Variants in KBTBD12 observed in about 807,000 individuals in gnomAD.
KBTBD12 encodes the protein kelch repeat and BTB domain containing 12.
Under a neutral mutation model 58.7 loss-of-function variants are expected in KBTBD12, and 53 were observed. That is an observed-to-expected ratio of 0.90 (90% CI 0.72 to 1.14). KBTBD12 has a LOEUF of 1.14. Among genes scored for constraint, KBTBD12 ranks in the 50% most tolerant of loss-of-function variants. The pLI is 0.00. For missense variants in KBTBD12, 704 were observed against 751.3 expected, an observed-to-expected ratio of 0.94 and a Z score of 0.74; for synonymous variants, 236 against 259.8, an observed-to-expected ratio of 0.91 and a Z score of 0.88.
At chr3:127,951,608 G>T (rs569586408) in intron 4 of KBTBD12, among the ~76,000 whole-genome samples, 1 of 152,090 alleles carries the variant, frequency 6.6e-6, no homozygotes, top group Non-Finnish European at 1.5e-5. Flanking sequence ...GTCATGGCTC[G>T]GGAACAATTA....
At chr3:127,921,020 T>A (rs1302746599) in intron 1 of KBTBD12, among the ~76,000 whole-genome samples, 6 of 152,124 alleles carry the variant, frequency 3.9e-5, no homozygotes, top group Non-Finnish European at 7.4e-5. Context: ...AGGAGCTGTG[T>A]CTATACCCAC....
At chr3:127,977,006 T>A (rs1331109693) in intron 5 of KBTBD12, among the ~76,000 whole-genome samples, 1 of 152,152 alleles carries the variant, frequency 6.6e-6, no homozygotes, top group Non-Finnish European at 1.5e-5. Context: ...CCTCCACCCT[T>A]AAGTAGGCCC....
intron 4 of KBTBD12, among the ~76,000 whole-genome samples, chr3:127,952,371 G>A (rs1940225733): frequency 6.6e-6 from 1 of 152,080 alleles, no homozygotes; most frequent in African/African-American, 2.4e-5. Flanking sequence ...ATGTACTACT[G>A]TATTTGCTCC....
At position 127,986,058 on chromosome 3, in the gene KBTBD12, A is replaced by G. The variant is rs1940959354; in HGVS notation, c.*1780A>G. On this transcript the variant is annotated 3_prime_UTR_variant, in exon 6 of 6. Transcript: ENST00000405109. ...TCCCTCCATTCCTCTTCACATAGTC[A>G]CTCCACCTGCTCCACCTGCTTGAAA... The G allele has an allele frequency of 6.6e-6, 1 of 151,808 alleles. No individual in the cohort carries two copies. Among genetic ancestry groups the G allele is most frequent in the Non-Finnish European group, 1.5e-5 (1 of 67,910 alleles). The allele number at this position is 151,808 out of a possible 1,614,324, so 9.4% of individuals were successfully genotyped here. A position where few individuals can be genotyped will look rare whatever the true frequency, so the allele number is the denominator to read the frequency against.
chr3:127,980,520 G>T (rs1940855765), intron 5 of KBTBD12, among the ~76,000 whole-genome samples: 1 of 152,064 alleles, frequency 6.6e-6, no homozygotes, highest in Admixed American at 6.5e-5. Context: ...AGTAGAGACG[G>T]GATTTCACCA....
At chr3:127,959,112 A>G (rs1430466348) in intron 4 of KBTBD12, among the ~76,000 whole-genome samples, 4 of 152,330 alleles carry the variant, frequency 2.6e-5, no homozygotes, top group African/African-American at 9.6e-5. Flanking sequence ...ACGAGGTTGG[A>G]AAAAAATCAG....
In KBTBD12 at chr3:127,963,614, G is replaced by A. The variant is rs573846063; in HGVS notation, c.1690+228G>A. Reference sequence around the variant, plus strand: ...AAGAATTAAATGGAATCTAGTTTACGGCCATACCACCCTGAACACACCTGG... The same window carrying A: ...AAGAATTAAATGGAATCTAGTTTACAGCCATACCACCCTGAACACACCTGG... On this transcript the variant is annotated intron_variant, in intron 5 of 5. Transcript: ENST00000405109. The A allele has an allele frequency of 5.1e-5, 26 of 507,702 alleles. No individual in the cohort carries two copies. The South Asian group carries it at 5.2e-4, about 10-fold the overall frequency. The allele number at this position is 507,702 out of a possible 1,614,324, so 31.4% of individuals were successfully genotyped here.
intron 5 of KBTBD12, among the ~76,000 whole-genome samples, chr3:127,977,138 C>G (rs1940797753): frequency 6.6e-6 from 1 of 152,198 alleles, no homozygotes; most frequent in African/African-American, 2.4e-5. Context: ...ATAATAACCT[C>G]CAGCTCCAAC....
chr3:127,966,189 T>A (rs1488109350), intron 5 of KBTBD12, among the ~76,000 whole-genome samples: 2 of 152,172 alleles, frequency 1.3e-5, no homozygotes, highest in Non-Finnish European at 2.9e-5. Context: ...CCTCCCTGAC[T>A]CTCAGAATAT....
At chr3:127,940,882 T>G (rs1242807168) in intron 4 of KBTBD12, among the ~76,000 whole-genome samples, 1 of 152,066 alleles carries the variant, frequency 6.6e-6, no homozygotes, top group Non-Finnish European at 1.5e-5. Flanking sequence ...ATTACTACAG[T>G]CTCTGAAAAT....
chr3:127,953,370 T>C (rs10512701), intron 4 of KBTBD12, among the ~76,000 whole-genome samples: 5,775 of 152,270 alleles, frequency 0.038, 346 homozygotes, highest in African/African-American at 0.13. Flanking sequence ...ATTGTAAACA[T>C]GCGCTAATGA....
chr3:127,946,605 G>A (rs921604748), intron 4 of KBTBD12, among the ~76,000 whole-genome samples: 3 of 152,068 alleles, frequency 2.0e-5, no homozygotes, highest in African/African-American at 7.2e-5. Flanking sequence ...CCTAAGTGTG[G>A]GTTCTTTGTT....
At chr3:127,931,585 C>G (rs1360141434) in intron 4 of KBTBD12, among the ~76,000 whole-genome samples, 1 of 152,018 alleles carries the variant, frequency 6.6e-6, no homozygotes, top group African/African-American at 2.4e-5. Flanking sequence ...AATGAGATTT[C>G]CCCCTAAAGT....
intron 4 of KBTBD12, among the ~76,000 whole-genome samples, chr3:127,961,967 T>C (rs1940449185): frequency 6.6e-6 from 1 of 152,202 alleles, no homozygotes; most frequent in Admixed American, 6.5e-5. Context: ...GAGTTCTTAA[T>C]TTTGGTTTTG....
intron 4 of KBTBD12, among the ~76,000 whole-genome samples, chr3:127,956,622 C>A (rs1454151371): frequency 6.6e-6 from 1 of 152,056 alleles, no homozygotes; most frequent in African/African-American, 2.4e-5. Context: ...GTGTGAAAGC[C>A]CCACAGGACA....
intron 4 of KBTBD12, among the ~76,000 whole-genome samples, chr3:127,943,341 C>A (rs1939999712): frequency 6.6e-6 from 1 of 152,080 alleles, no homozygotes; most frequent in African/African-American, 2.4e-5. Context: ...TCTGTATTGT[C>A]AACACTTTTT....
chr3:127,938,104 T>C (rs1454690941), intron 4 of KBTBD12, among the ~76,000 whole-genome samples: 1 of 152,044 alleles, frequency 6.6e-6, no homozygotes, highest in Admixed American at 6.6e-5. Flanking sequence ...AAATGCAAGA[T>C]GAAATGAAGA....
rs191803592 is a variant in KBTBD12 at position 127,964,300 on chromosome 3, G to C, written c.1690+914G>C. 8.3e-4 allele frequency among the ~76,000 whole-genome samples: 127 copies of C among 152,134 alleles called. 1 individual carries two copies. The highest frequency in any genetic ancestry group is 2.9e-3 in the African/African-American group (122 of 41,496). ...ATACTGCAGCAAAGCAGAGCCTTTCGCAAGCCTGCCTTCACTCTTTAAGCA... is the reference window on the plus strand; with the variant it reads ...ATACTGCAGCAAAGCAGAGCCTTTCCCAAGCCTGCCTTCACTCTTTAAGCA... On this transcript the variant is annotated intron_variant, in intron 5 of 5. Transcript: ENST00000405109.
chr3:127,951,748 G>A (rs563968477), intron 4 of KBTBD12, among the ~76,000 whole-genome samples: 6 of 151,912 alleles, frequency 3.9e-5, no homozygotes, highest in African/African-American at 7.3e-5. Context: ...TAAATTATTC[G>A]TTGAAACATT....
Sources: allele counts gnomAD v4.1 joint callset (sites outside exome capture counted in the v4.1 genomes callset), GRCh38; gene constraint gnomAD v4.1.1; transcripts MANE v1.5; gene names NCBI Gene and HGNC (gene_info 2026-07-23, HGNC 2026-07-21).